Variants in DAB1 observed in about 807,000 individuals in gnomAD.
DAB1 encodes disabled homolog 1.
DAB1 carries 15 observed loss-of-function variants against 64.6 expected under a neutral mutation model. The ratio of observed to expected loss-of-function variants is 0.23; its 90% CI spans 0.16 to 0.36. The LOEUF (loss-of-function observed/expected upper bound fraction) is 0.36, where lower values mean the gene tolerates loss of function less well. Ranked by LOEUF, DAB1 falls within the 10% of genes least tolerant of loss-of-function variation. The pLI is 1.00. For synonymous variants in DAB1, 235 were observed against 251.9 expected, an observed-to-expected ratio of 0.93 and a Z score of 0.64; for missense variants, 596 against 706.7, an observed-to-expected ratio of 0.84 and a Z score of 1.78.
intron 5 of DAB1, among the ~76,000 whole-genome samples, chr1:58,059,646 C>A (rs566399833): frequency 1.3e-5 from 2 of 152,358 alleles, no homozygotes; most frequent in South Asian, 4.1e-4. Context: ...CAGTCCTCAA[C>A]TTCAAGGAGC....
chr1:58,267,602 G>A (rs531903871), intron 4 of DAB1, among the ~76,000 whole-genome samples: 1 of 152,252 alleles, frequency 6.6e-6, no homozygotes, highest in African/African-American at 2.4e-5. Context: ...GAAAAGGGGT[G>A]GTGTGAGGTC....
At chr1:58,120,169 C>T (rs550172837) in intron 5 of DAB1, among the ~76,000 whole-genome samples, 1 of 152,198 alleles carries the variant, frequency 6.6e-6, no homozygotes. Context: ...GGGTAAATAA[C>T]TTAGACTCTC....
At chr1:58,336,680 CTGGA>C (rs1326179531) in intron 4 of DAB1, among the ~76,000 whole-genome samples, 1 of 152,118 alleles carries the variant, frequency 6.6e-6, no homozygotes. Flanking sequence ...AATGGTTTAA[CTGGA>C]TGAAGTATTC....
intron 5 of DAB1, among the ~76,000 whole-genome samples, chr1:58,119,109 A>G (rs767477497): frequency 2.0e-5 from 3 of 152,166 alleles, no homozygotes; most frequent in Admixed American, 1.3e-4. Flanking sequence ...TAGGCACTCA[A>G]TCTATGTGAA....
rs896804792 is a variant in DAB1 at position 56,997,071 on chromosome 1, C to T, written c.*1073G>A. 1 of 151,976 alleles carries T rather than the reference C, an allele frequency of 6.6e-6. No homozygotes were observed. Among genetic ancestry groups the T allele is most frequent in the African/African-American group, 2.4e-5 (1 of 41,384 alleles). 9.4% of individuals were successfully genotyped at this position (151,976 alleles called of 1,614,324 possible). A position where few individuals can be genotyped will look rare whatever the true frequency, so the allele number is the denominator to read the frequency against. On this transcript the variant is annotated 3_prime_UTR_variant, in exon 15 of 15. Coordinates refer to ENST00000371236, the MANE Select transcript of DAB1 (RefSeq NM_001365792.1). ...CAGTTTGTTATTCTGAATATTTATG[C>T]CACCATTGTTCCATTAGAAAGTTGG... is the stretch of plus-strand genomic sequence containing the variant.
At chr1:57,249,116 G>GT (rs1669125723) in intron 2 of DAB1, among the ~76,000 whole-genome samples, 1 of 152,052 alleles carries the variant, frequency 6.6e-6, no homozygotes, top group South Asian at 2.1e-4. Flanking sequence ...CTTTCCAAGT[G>GT]TTTTTTTGCC....
chr1:57,120,149 G>A (rs1178319650), intron 4 of DAB1, among the ~76,000 whole-genome samples: 2 of 152,126 alleles, frequency 1.3e-5, no homozygotes, highest in Non-Finnish European at 2.9e-5. Context: ...CAACACCTGG[G>A]TTTCAAAACT....
At chr1:57,768,904 T>G (rs966776790) in intron 6 of DAB1, among the ~76,000 whole-genome samples, 2 of 152,250 alleles carry the variant, frequency 1.3e-5, no homozygotes, top group East Asian at 3.9e-4. Flanking sequence ...GAGCTCTTCA[T>G]TAGATATTTC....
At chr1:58,346,741 T>A (rs901867043) in intron 3 of DAB1, among the ~76,000 whole-genome samples, 10 of 152,236 alleles carry the variant, frequency 6.6e-5, no homozygotes, top group African/African-American at 2.4e-4. Context: ...GTAACCTCAA[T>A]GGACCTCAGG....
At chr1:58,055,852 T>A (rs1001893391) in intron 5 of DAB1, among the ~76,000 whole-genome samples, 2 of 150,622 alleles carry the variant, frequency 1.3e-5, no homozygotes, top group Non-Finnish European at 3.0e-5. Flanking sequence ...CCCAAGTAAC[T>A]GGAAACACAG....
chr1:57,475,735 C>A (rs570039464), intron 7 of DAB1, among the ~76,000 whole-genome samples: 1 of 152,182 alleles, frequency 6.6e-6, no homozygotes, highest in Non-Finnish European at 1.5e-5. Flanking sequence ...TAGATGTTAC[C>A]GGCCAACGCC....
chr1:57,224,650 C>T (rs1242711348), intron 2 of DAB1, among the ~76,000 whole-genome samples: 1 of 152,226 alleles, frequency 6.6e-6, no homozygotes, highest in African/African-American at 2.4e-5. Context: ...TCCCTTCATC[C>T]TGGTTAACGT....
At chr1:57,114,138 T>C (rs1386789058) in intron 4 of DAB1, among the ~76,000 whole-genome samples, 1 of 152,224 alleles carries the variant, frequency 6.6e-6, no homozygotes, top group Non-Finnish European at 1.5e-5. Flanking sequence ...TGTTCTCATC[T>C]GCATCCCCAG....
At chr1:57,383,324 C>T (rs567731000) in intron 1 of DAB1, among the ~76,000 whole-genome samples, 1 of 152,244 alleles carries the variant, frequency 6.6e-6, no homozygotes, top group Admixed American at 6.5e-5. Flanking sequence ...ATGTCTGTCC[C>T]TCTGATTCTC....
At chr1:58,396,844 T>C (rs922377168) in intron 3 of DAB1, among the ~76,000 whole-genome samples, 1 of 151,892 alleles carries the variant, frequency 6.6e-6, no homozygotes, top group Admixed American at 6.6e-5. Context: ...GGGCGGATCA[T>C]GAGGTCAAGA....
chr1:57,931,212 C>T (rs1051094096), intron 5 of DAB1, among the ~76,000 whole-genome samples: 1 of 151,996 alleles, frequency 6.6e-6, no homozygotes, highest in African/African-American at 2.4e-5. Context: ...TACTTGATTG[C>T]GGTGTGTGAT....
intron 1 of DAB1, among the ~76,000 whole-genome samples, chr1:57,298,128 A>AT (rs796736534): frequency 6.7e-6 from 1 of 149,334 alleles, no homozygotes; most frequent in African/African-American, 2.5e-5. Flanking sequence ...TTTTTTTTTT[A>AT]TTTTTATTTT....
intron 9 of DAB1, among the ~76,000 whole-genome samples, chr1:57,040,438 T>TA (rs1230985200): frequency 6.6e-6 from 1 of 152,140 alleles, no homozygotes; most frequent in African/African-American, 2.4e-5. Flanking sequence ...TGGGAAAGAA[T>TA]ATATAATTTA....
chr1:58,522,421 A>C (rs1438542434), intron 2 of DAB1, among the ~76,000 whole-genome samples: 1 of 152,184 alleles, frequency 6.6e-6, no homozygotes, highest in East Asian at 1.9e-4. Context: ...AAACTCTTTC[A>C]TTTGATAAAA....
Sources: gnomAD v4.1 joint callset for allele counts (sites outside exome capture counted in the v4.1 genomes callset) on GRCh38, gnomAD v4.1.1 for gene constraint, MANE v1.5 for transcripts, NCBI Gene and HGNC (gene_info 2026-07-23, HGNC 2026-07-21) for gene names.